The following C12orf50 variants were observed in gnomAD, a reference collection of about 807,000 sequenced individuals.
The protein encoded by C12orf50 is zinc finger CCCH-type containing 11D.
A neutral mutation model predicts 61.6 loss-of-function variants in C12orf50; 35 were observed. The ratio of observed to expected loss-of-function variants is 0.57; its 90% confidence interval spans 0.43 to 0.75. The LOEUF (loss-of-function observed/expected upper bound fraction) is 0.75. C12orf50 is among the 30% of genes least tolerant of loss of function. The probability of loss-of-function intolerance (pLI) is 0.00; values close to 1 mark genes in which losing one functional copy is unlikely to be tolerated. For missense variants in C12orf50, 475 were observed against 488.5 expected (o/e 0.97, Z 0.26); for synonymous variants, 178 against 161.5 (o/e 1.10, Z -0.77).
intron 7 of C12orf50, among the ~76,000 whole-genome samples, chr12:87,993,974 C>A (rs1282692548): frequency 6.6e-6 from 1 of 151,842 alleles, no homozygotes; most frequent in African/African-American, 2.4e-5. Flanking sequence ...CCAAGGCGGG[C>A]AAATCACCTG....
In C12orf50 at chr12:88,027,084, T is replaced by G. The variant is rs764040475; in HGVS notation, c.-108-14A>C. ...GCACTGGGAACCCTAAAAGAAAAAG[T>G]AAACAGTGTAGAAAGCTCAATATGT... On this transcript the variant is annotated splice_polypyrimidine_tract_variant and intron_variant, in intron 1 of 12. Transcript: ENST00000298699. 6.3e-7 allele frequency: 1 copy of G among 1,594,504 alleles called. No homozygotes were observed. The highest frequency in any genetic ancestry group is 1.1e-5 in the South Asian group (1 of 87,576).
chr12:88,018,198 C>T (rs1345118915), intron 3 of C12orf50, among the ~76,000 whole-genome samples: 1 of 152,212 alleles, frequency 6.6e-6, no homozygotes, highest in Non-Finnish European at 1.5e-5. Flanking sequence ...GGTCCCCATG[C>T]TGTGTGCAGC....
Position 88,001,210 on chromosome 12 carries a change from G to T in C12orf50, c.134-3020C>A, listed in dbSNP as rs116189849. On this transcript the variant is annotated intron_variant, in intron 3 of 12. Transcript: ENST00000298699. ...GTGGAATATTTTTTATAACGTATGT[G>T]TGTCAAATTTTTATCAACTGTTTTT... is the stretch of plus-strand genomic sequence containing the variant. Among the ~76,000 whole-genome samples the T allele has an allele frequency of 6.5e-3, 986 of 151,660 alleles. 13 individuals carry two copies. Among genetic ancestry groups the T allele is most frequent in the African/African-American group, 0.023 (948 of 41,448 alleles).
chr12:88,025,661 C>T (rs549285433), intron 3 of C12orf50, among the ~76,000 whole-genome samples: 1 of 152,286 alleles, frequency 6.6e-6, no homozygotes, highest in South Asian at 2.1e-4. Context: ...ATTGCTTGAA[C>T]CCGGGAGGTG....
At chr12:88,004,639 C>G (rs2031784036) in intron 3 of C12orf50, among the ~76,000 whole-genome samples, 1 of 152,090 alleles carries the variant, frequency 6.6e-6, no homozygotes. Flanking sequence ...CCTAAATGCC[C>G]AACAATGGTA....
chr12:87,998,315 T>C (rs149477454), intron 3 of C12orf50, 125 bp from the exon 4 acceptor site: 1 of 644,400 alleles, frequency 1.6e-6, no homozygotes, highest in Non-Finnish European at 2.3e-6. Context: ...TAATAATACA[T>C]TAATGGATTG....
chr12:88,009,974 A>G (rs2032034592), intron 3 of C12orf50, among the ~76,000 whole-genome samples: 1 of 152,078 alleles, frequency 6.6e-6, no homozygotes, highest in Admixed American at 6.6e-5. Flanking sequence ...ATTGACTCAA[A>G]TTGATTTGTA....
intron 3 of C12orf50, among the ~76,000 whole-genome samples, chr12:88,019,074 G>T (rs538103297): frequency 1.3e-5 from 2 of 152,090 alleles, no homozygotes; most frequent in South Asian, 4.2e-4. Context: ...GATTTGGGAG[G>T]GGCCAGGGAT....
chr12:87,985,699 G>A (rs1447357211), intron 11 of C12orf50, 151 bp downstream of exon 11: 2 of 736,808 alleles, frequency 2.7e-6, no homozygotes, highest in Admixed American at 5.0e-5. Flanking sequence ...GACTGCACAT[G>A]GAAGAAATCC....
intron 3 of C12orf50, among the ~76,000 whole-genome samples, chr12:88,008,363 A>ACTCCAT (rs1364637553): frequency 1.3e-5 from 2 of 151,846 alleles, no homozygotes; most frequent in Non-Finnish European, 2.9e-5. Context: ...ATGGCCTCCA[A>ACTCCAT]CTCCATCCGT....
At chr12:87,986,441 A>G (rs1385771093) in intron 9 of C12orf50, 25 bp from the exon 10 acceptor site, 12 of 1,523,302 alleles carry the variant, frequency 7.9e-6, no homozygotes, top group East Asian at 2.3e-5. Context: ...AAATTTTACA[A>G]TTTTTTAAGA....
At chr12:88,017,572 T>C (rs1373471211) in intron 3 of C12orf50, among the ~76,000 whole-genome samples, 2 of 152,148 alleles carry the variant, frequency 1.3e-5, no homozygotes, top group Non-Finnish European at 2.9e-5. Context: ...TGGAAGCAAC[T>C]TTGGAACTGG....
intron 3 of C12orf50, among the ~76,000 whole-genome samples, chr12:88,017,210 G>T (rs933059684): frequency 4.6e-5 from 7 of 152,210 alleles, no homozygotes; most frequent in African/African-American, 7.2e-5. Context: ...AACCTGGTGA[G>T]AGGTAATTGA....
Sources: allele counts gnomAD v4.1 joint callset (sites outside exome capture counted in the v4.1 genomes callset), GRCh38; gene constraint gnomAD v4.1.1; transcripts MANE v1.5; gene names NCBI Gene and HGNC (gene_info 2026-07-23, HGNC 2026-07-21).